Variants in FHIP1A observed in about 807,000 individuals in gnomAD.
FHIP1A encodes the protein FHF complex subunit HOOK-interacting protein 1A.
In FHIP1A, 61 loss-of-function variants were observed where a neutral mutation model predicts 88.6. The observed-to-expected ratio is 0.69, with a 90% CI of 0.56 to 0.85. The LOEUF is 0.85. Among genes scored for constraint, FHIP1A ranks in the 40% least tolerant of loss-of-function variants. The probability of loss-of-function intolerance (pLI) is 0.00; values close to 1 mark genes in which losing one functional copy is unlikely to be tolerated. For missense variants in FHIP1A, 1,154 were observed against 1,273.5 expected (o/e 0.91, Z 1.43); for synonymous variants, 478 against 496.0 (o/e 0.96, Z 0.48).
chr4:151,650,459 T>C lies in FHIP1A; in HGVS notation c.2418T>C (p.Asp806=), dbSNP rs1035365094. ...KEKEGKKELE[D]EEDDFDSFIA... ...AGGAGGGGAAGAAGGAGCTAGAAGA[T>C]GAGGAGGATGACTTTGACTCTTTTA... Residue 806 remains aspartate, a synonymous_variant, in exon 11 of 14, where the codon GAT becomes GAC. Transcript: ENST00000435205. 3.2e-6 allele frequency: 5 copies of C among 1,551,452 alleles called. No homozygotes were observed. The highest frequency in any genetic ancestry group is 4.4e-6 in the Non-Finnish European group (5 of 1,146,948).
At chr4:151,492,747 A>G (rs138354662) in intron 3 of FHIP1A, among the ~76,000 whole-genome samples, 2 of 152,342 alleles carry the variant, frequency 1.3e-5, no homozygotes, top group East Asian at 1.9e-4. Flanking sequence ...TTGGGTCAAC[A>G]ATGAAATCAA....
At chr4:151,447,366 CT>C in intron 1 of FHIP1A, among the ~76,000 whole-genome samples, 1 of 152,214 alleles carries the variant, frequency 6.6e-6, no homozygotes, top group South Asian at 2.1e-4. Flanking sequence ...CTTACGTGTT[CT>C]TAGAGTTTTT....
intron 3 of FHIP1A, chr4:151,534,675 A>G (rs1002798661): frequency 6.6e-6 from 1 of 152,238 alleles, no homozygotes; most frequent in African/African-American, 2.4e-5. Context: ...TGCTGTTAAA[A>G]TAATTTTTTC....
intron 5 of FHIP1A, among the ~76,000 whole-genome samples, chr4:151,585,346 A>G (rs1022256349): frequency 6.6e-6 from 1 of 151,970 alleles, no homozygotes; most frequent in Non-Finnish European, 1.5e-5. Context: ...CACCCAGCTA[A>G]ATTTTGTATT....
Position 151,482,605 on chromosome 4 carries a change from G to A in FHIP1A, c.-166G>A, listed in dbSNP as rs1308150621. The A allele has an allele frequency of 6.6e-6, 1 of 152,016 alleles. No individual in the cohort carries two copies. The highest frequency in any genetic ancestry group is 1.5e-5 in the Non-Finnish European group (1 of 67,974). 9.4% of individuals were successfully genotyped at this position (152,016 alleles called of 1,614,324 possible). A position where few individuals can be genotyped will look rare whatever the true frequency, so the allele number is the denominator to read the frequency against. ...TCCGCTCCTCTGAAGAGTGAAGTGA[G>A]CAAATACAACCCAGCAGTAGGTTAT... On this transcript the variant is annotated 5_prime_UTR_variant, in exon 3 of 14. Transcript: ENST00000435205.
intron 6 of FHIP1A, among the ~76,000 whole-genome samples, chr4:151,587,335 C>T (rs939848981): frequency 6.6e-6 from 1 of 152,082 alleles, no homozygotes; most frequent in Admixed American, 6.6e-5. Context: ...GTGTATTTGG[C>T]TTCTTGATTA....
At chr4:151,438,030 G>A (rs1728265089) in intron 1 of FHIP1A, among the ~76,000 whole-genome samples, 2 of 152,036 alleles carry the variant, frequency 1.3e-5, no homozygotes, top group South Asian at 4.2e-4. Flanking sequence ...AGAAAACCCT[G>A]GGACTGTATT....
intron 1 of FHIP1A, among the ~76,000 whole-genome samples, chr4:151,411,386 C>T (rs1289486154): frequency 7.2e-5 from 9 of 124,810 alleles, no homozygotes; most frequent in Non-Finnish European, 1.3e-4. Flanking sequence ...CTCTCTCTCT[C>T]TGGCCCAGGC....
intron 3 of FHIP1A, among the ~76,000 whole-genome samples, chr4:151,510,257 A>T (rs1012091466): frequency 2.0e-5 from 3 of 151,848 alleles, no homozygotes; most frequent in African/African-American, 7.3e-5. Flanking sequence ...GATGCATGCC[A>T]CTGTGCCCAC....
rs555843721 is a variant in FHIP1A at position 151,604,848 on chromosome 4, C to CA, written c.978+15934dup. Among the ~76,000 whole-genome samples the CA allele has an allele frequency of 3.5e-3, 447 of 127,924 alleles. 1 individual carries two copies. The highest frequency in any genetic ancestry group is 0.011 in the East Asian group (52 of 4,544). The allele number at this position is 127,924 out of a possible 152,430, so 83.9% of individuals were successfully genotyped here. On this transcript the variant is annotated intron_variant, in intron 7 of 13. Coordinates refer to ENST00000435205, the MANE Select transcript of FHIP1A (RefSeq NM_001109977.3). Reference sequence around the variant, plus strand: ...TGGGTGACAGAGTGAGACTCCATCTCAAAAAAAAAAAATACTAATAATAAT... The same window carrying CA: ...TGGGTGACAGAGTGAGACTCCATCTCAAAAAAAAAAAAATACTAATAATAAT...
At chr4:151,512,447 A>T (rs1317453216) in intron 3 of FHIP1A, among the ~76,000 whole-genome samples, 2 of 152,268 alleles carry the variant, frequency 1.3e-5, no homozygotes, top group African/African-American at 4.8e-5. Context: ...ACAAAGCTGG[A>T]CGGAGAATGA....
chr4:151,604,516 T>A (rs1001119330), intron 7 of FHIP1A, among the ~76,000 whole-genome samples: 1 of 152,200 alleles, frequency 6.6e-6, no homozygotes, highest in Non-Finnish European at 1.5e-5. Context: ...TGGCATGAAA[T>A]CATATTCATT....
At chr4:151,532,777 G>A (rs1341078395) in intron 3 of FHIP1A, among the ~76,000 whole-genome samples, 4 of 152,302 alleles carry the variant, frequency 2.6e-5, no homozygotes, top group South Asian at 4.1e-4. Flanking sequence ...GGCTGGGGAG[G>A]CCTTAGAGTC....
At chr4:151,428,690 A>G (rs890934929) in intron 1 of FHIP1A, among the ~76,000 whole-genome samples, 1 of 152,140 alleles carries the variant, frequency 6.6e-6, no homozygotes, top group Non-Finnish European at 1.5e-5. Context: ...CTGTCTTTCC[A>G]GTCTCATCTC....
intron 7 of FHIP1A, among the ~76,000 whole-genome samples, chr4:151,608,996 C>T (rs1164895670): frequency 6.6e-6 from 1 of 152,114 alleles, no homozygotes; most frequent in Non-Finnish European, 1.5e-5. Flanking sequence ...AGCGGGGTAC[C>T]TCCCATTGTT....
chr4:151,415,968 T>G (rs1293564104), intron 1 of FHIP1A, among the ~76,000 whole-genome samples: 1 of 151,998 alleles, frequency 6.6e-6, no homozygotes, highest in Non-Finnish European at 1.5e-5. Flanking sequence ...AACATTTTCC[T>G]AAGAACATTA....
chr4:151,617,781 G>A (rs998056446), intron 7 of FHIP1A, among the ~76,000 whole-genome samples: 1 of 152,084 alleles, frequency 6.6e-6, no homozygotes, highest in Non-Finnish European at 1.5e-5. Flanking sequence ...AGCTACTCAG[G>A]AGGCTGAGGC....
chr4:151,640,210 C>T (rs564819612), intron 9 of FHIP1A, among the ~76,000 whole-genome samples: 1 of 152,090 alleles, frequency 6.6e-6, no homozygotes, highest in Non-Finnish European at 1.5e-5. Flanking sequence ...GGAGTGATGC[C>T]GTGCAGGCAT....
At chr4:151,538,896 T>A (rs946423870) in intron 3 of FHIP1A, among the ~76,000 whole-genome samples, 2 of 152,208 alleles carry the variant, frequency 1.3e-5, no homozygotes, top group Non-Finnish European at 2.9e-5. Context: ...CAATTTGTAA[T>A]AGTTTTACAT....
Sources: allele counts gnomAD v4.1 joint callset (sites outside exome capture counted in the v4.1 genomes callset), GRCh38; gene constraint gnomAD v4.1.1; transcripts MANE v1.5; gene names NCBI Gene and HGNC (gene_info 2026-07-23, HGNC 2026-07-21).